LRRC49: variants seen among roughly 807,000 people sequenced by gnomAD.
LRRC49 encodes leucine rich repeat containing 49.
In LRRC49, 50 loss-of-function variants were observed where a neutral mutation model predicts 83.3. The observed-to-expected ratio is 0.60, with a 90% confidence interval of 0.48 to 0.76. The LOEUF (loss-of-function observed/expected upper bound fraction) is 0.76. Among genes scored for constraint, LRRC49 ranks in the 30% least tolerant of loss-of-function variants. LRRC49 has a pLI of 0.00. For synonymous variants in LRRC49, 286 were observed against 283.3 expected (o/e 1.01, Z -0.10); for missense variants, 704 against 809.1 (o/e 0.87, Z 1.58).
chr15:70,954,387 T>C (rs1351919388), intron 8 of LRRC49, among the ~76,000 whole-genome samples: 1 of 152,222 alleles, frequency 6.6e-6, no homozygotes, highest in Non-Finnish European at 1.5e-5. Context: ...TGTGTCTCAG[T>C]GTGCTTCCTT....
Position 70,967,117 on chromosome 15 carries a change from G to A in LRRC49, c.921+3185G>A, listed in dbSNP as rs568767549. ...ATGTATTTGTGGAAAATAAAGGCAT[G>A]CAAAATGCAGAAGGAAGCTGAGAGA... On this transcript the variant is annotated intron_variant, in intron 9 of 15. Transcript: ENST00000260382. Among the ~76,000 whole-genome samples the A allele has an allele frequency of 2.0e-5, 3 of 152,222 alleles. No individual in the cohort carries two copies. In the South Asian group the frequency reaches 6.2e-4, roughly 32 times the overall value.
intron 9 of LRRC49, among the ~76,000 whole-genome samples, chr15:70,976,842 G>A (rs2037223941): frequency 6.6e-6 from 1 of 151,882 alleles, no homozygotes; most frequent in Non-Finnish European, 1.5e-5. Context: ...CACAATTAGA[G>A]GTTTTTTTTC....
At chr15:70,914,886 C>T (rs2034699595) in intron 6 of LRRC49, among the ~76,000 whole-genome samples, 2 of 152,174 alleles carry the variant, frequency 1.3e-5, no homozygotes, top group Admixed American at 1.3e-4. Flanking sequence ...TTTATCCAGG[C>T]AGAGCAATCT....
At chr15:70,974,838 T>C (rs1464172342) in intron 9 of LRRC49, among the ~76,000 whole-genome samples, 1 of 152,024 alleles carries the variant, frequency 6.6e-6, no homozygotes, top group Non-Finnish European at 1.5e-5. Flanking sequence ...TGTTTATGCC[T>C]AGTCTAGAAA....
intron 3 of LRRC49, chr15:70,900,411 C>T: frequency 2.2e-6 from 1 of 454,030 alleles, no homozygotes; most frequent in Non-Finnish European, 4.4e-6. Flanking sequence ...TCCAAAACTA[C>T]TTTTTGTGTA....
intron 8 of LRRC49, among the ~76,000 whole-genome samples, chr15:70,946,835 G>T (rs2036025322): frequency 6.6e-6 from 1 of 151,876 alleles, no homozygotes; most frequent in South Asian, 2.1e-4. Context: ...GAATTTCCTT[G>T]ATGATTTTTT....
chr15:70,859,651 C>T (rs2032738288), intron 1 of LRRC49: 2 of 644,398 alleles, frequency 3.1e-6, no homozygotes, highest in South Asian at 2.8e-5. Context: ...TGAACTGGAA[C>T]ATCAGCCGGC....
At chr15:70,944,403 G>C (rs2035933960) in intron 8 of LRRC49, among the ~76,000 whole-genome samples, 1 of 151,934 alleles carries the variant, frequency 6.6e-6, no homozygotes, top group Non-Finnish European at 1.5e-5. Flanking sequence ...TTTCCATATT[G>C]CTCTTTTTTT....
chr15:71,047,799 C>G (rs2039896136), intron 15 of LRRC49, among the ~76,000 whole-genome samples: 1 of 152,114 alleles, frequency 6.6e-6, no homozygotes, highest in Non-Finnish European at 1.5e-5. Context: ...TTTTTTGAGA[C>G]AGAGTCTTGC....
intron 2 of LRRC49, among the ~76,000 whole-genome samples, chr15:70,885,416 C>T (rs1036758105): frequency 2.0e-5 from 3 of 152,050 alleles, no homozygotes; most frequent in African/African-American, 7.2e-5. Context: ...ATAAAAACAA[C>T]AGAAACCAAA....
At chr15:70,947,403 A>G (rs1196458902) in intron 8 of LRRC49, among the ~76,000 whole-genome samples, 1 of 152,190 alleles carries the variant, frequency 6.6e-6, no homozygotes, top group African/African-American at 2.4e-5. Flanking sequence ...GTGGAGAGTA[A>G]CAGAAGTTAA....
intron 7 of LRRC49, among the ~76,000 whole-genome samples, chr15:70,930,636 T>C (rs917712824): frequency 1.3e-5 from 2 of 152,226 alleles, no homozygotes; most frequent in South Asian, 4.1e-4. Context: ...CTTCTTCCAA[T>C]AGAAGGCTGT....
chr15:70,867,328 T>G (rs1247718757), intron 1 of LRRC49, among the ~76,000 whole-genome samples: 2 of 152,158 alleles, frequency 1.3e-5, no homozygotes, highest in Non-Finnish European at 2.9e-5. Flanking sequence ...TTGAAATGCA[T>G]GATGAGATTT....
intron 11 of LRRC49, among the ~76,000 whole-genome samples, chr15:70,992,568 G>A (rs949571007): frequency 6.6e-6 from 1 of 152,170 alleles, no homozygotes; most frequent in Admixed American, 6.5e-5. Flanking sequence ...TTTGCTGGAG[G>A]TCCACTCCAG....
At chr15:70,991,090 A>G (rs1449665890) in intron 11 of LRRC49, among the ~76,000 whole-genome samples, 1 of 152,212 alleles carries the variant, frequency 6.6e-6, no homozygotes, top group Non-Finnish European at 1.5e-5. Flanking sequence ...GCAATTGGGC[A>G]TATAATCTGA....
At chr15:71,033,106 G>A (rs1008726196) in intron 14 of LRRC49, among the ~76,000 whole-genome samples, 5 of 152,196 alleles carry the variant, frequency 3.3e-5, no homozygotes, top group Non-Finnish European at 4.4e-5. Context: ...CCTATATCTA[G>A]AAAACCCCAT....
intron 11 of LRRC49, among the ~76,000 whole-genome samples, chr15:70,988,561 G>A (rs2037725966): frequency 6.6e-6 from 1 of 152,000 alleles, no homozygotes; most frequent in Non-Finnish European, 1.5e-5. Flanking sequence ...CCTGAATACA[G>A]CACACTGATG....
At chr15:70,884,139 A>G (rs2033341446) in intron 2 of LRRC49, among the ~76,000 whole-genome samples, 1 of 152,194 alleles carries the variant, frequency 6.6e-6, no homozygotes, top group African/African-American at 2.4e-5. Context: ...AATGAAAACA[A>G]AATTAAAGTG....
intron 1 of LRRC49, 68 bp downstream of exon 1, chr15:70,893,010 G>C: frequency 6.5e-7 from 1 of 1,547,020 alleles, no homozygotes; most frequent in Non-Finnish European, 8.9e-7. Flanking sequence ...CTTTGTCCTA[G>C]GAGATGGGCT....
Sources: gnomAD v4.1 joint callset for allele counts (sites outside exome capture counted in the v4.1 genomes callset) on GRCh38, gnomAD v4.1.1 for gene constraint, MANE v1.5 for transcripts, NCBI Gene and HGNC (gene_info 2026-07-23, HGNC 2026-07-21) for gene names.